Variants in CEMIP observed in about 807,000 individuals in gnomAD.
The protein encoded by CEMIP is cell migration inducing hyaluronidase 1.
A neutral mutation model predicts 156.9 loss-of-function variants in CEMIP; 105 were observed. The ratio of observed to expected loss-of-function variants is 0.67; its 90% confidence interval spans 0.57 to 0.79. CEMIP has a LOEUF of 0.79. Ranked by LOEUF, CEMIP falls within the 30% of genes least tolerant of loss-of-function variation. The probability of loss-of-function intolerance (pLI) is 0.00; values close to 1 mark genes in which losing one functional copy is unlikely to be tolerated. For synonymous variants in CEMIP, 676 were observed against 668.4 expected, an observed-to-expected ratio of 1.01 and a Z score of -0.17; for missense variants, 1,457 against 1,769.4, an observed-to-expected ratio of 0.82 and a Z score of 3.17.
Position 80,930,181 on chromosome 15 carries a change from AC to A in CEMIP, c.2612+1010del, listed in dbSNP as rs1264621142. On this transcript the variant is annotated intron_variant, in intron 21 of 29. Coordinates refer to ENST00000394685, the MANE Select transcript of CEMIP (RefSeq NM_001293298.2). ...AATACACATTGACCTAAAACTTCCA[AC>A]CCAAGTGGACATGGAAAAGACTTTG... Among the ~76,000 whole-genome samples, 3 of 152,320 alleles carry A rather than the reference AC, an allele frequency of 2.0e-5. No homozygotes were observed. In the South Asian group the frequency reaches 6.2e-4, roughly 32 times the overall value.
At chr15:80,814,598 G>A (rs1388145495) in intron 1 of CEMIP, among the ~76,000 whole-genome samples, 1 of 152,104 alleles carries the variant, frequency 6.6e-6, no homozygotes, top group East Asian at 1.9e-4. Context: ...AAACCTCAGG[G>A]CAGAACCTGT....
intron 1 of CEMIP, among the ~76,000 whole-genome samples, chr15:80,864,397 G>A (rs567662826): frequency 5.8e-4 from 88 of 152,256 alleles, no homozygotes; most frequent in African/African-American, 1.7e-3. Flanking sequence ...CAATTTATTC[G>A]TGAAAAAGGC....
intron 1 of CEMIP, among the ~76,000 whole-genome samples, chr15:80,797,586 G>A (rs536457077): frequency 5.3e-5 from 8 of 152,310 alleles, no homozygotes; most frequent in African/African-American, 1.9e-4. Context: ...TCTTGTCTTA[G>A]TCAATGAAAT....
chr15:80,944,884 A>G (rs1901481426), intron 28 of CEMIP, among the ~76,000 whole-genome samples: 1 of 152,210 alleles, frequency 6.6e-6, no homozygotes, highest in African/African-American at 2.4e-5. Context: ...CCCGAGCAGC[A>G]GCACCTCTCT....
chr15:80,802,148 C>A (rs1005342425), intron 1 of CEMIP, among the ~76,000 whole-genome samples: 1 of 152,148 alleles, frequency 6.6e-6, no homozygotes, highest in Admixed American at 6.5e-5. Context: ...TGGCCTGGTG[C>A]TTGCATTAAT....
chr15:80,881,523 A>C (rs1190900954), intron 6 of CEMIP, among the ~76,000 whole-genome samples: 1 of 151,680 alleles, frequency 6.6e-6, no homozygotes, highest in Non-Finnish European at 1.5e-5. Context: ...AAGAGTGTTC[A>C]AGACAGACAG....
rs1219995913 is a variant in CEMIP, at chr15:80,873,541, A to G, written c.-172A>G. ...CTGCTCTGTTTCTTAACTTAAGAGA[A>G]AAGCTTCATTCTGGAGGGGAAGGAG... On this transcript the variant is annotated 5_prime_UTR_variant, in exon 2 of 30. Coordinates refer to ENST00000394685, the MANE Select transcript of CEMIP (RefSeq NM_001293298.2). The G allele has an allele frequency of 1.1e-5, 4 of 353,482 alleles. No homozygotes were observed. The highest frequency in any genetic ancestry group is 9.1e-4 in the Middle Eastern group (1 of 1,096). 21.9% of individuals were successfully genotyped at this position (353,482 alleles called of 1,614,324 possible).
intron 14 of CEMIP, among the ~76,000 whole-genome samples, chr15:80,917,873 A>C (rs1900328682): frequency 6.6e-6 from 1 of 152,224 alleles, no homozygotes; most frequent in Admixed American, 6.5e-5. Context: ...AGATTTCAGC[A>C]AGATTAAAAG....
At chr15:80,883,181 T>C (rs1262412383) in intron 6 of CEMIP, among the ~76,000 whole-genome samples, 1 of 152,244 alleles carries the variant, frequency 6.6e-6, no homozygotes, top group African/African-American at 2.4e-5. Context: ...ACATACTCTT[T>C]AGGAATTTCT....
chr15:80,867,966 T>C (rs1432219445), intron 1 of CEMIP, among the ~76,000 whole-genome samples: 1 of 152,088 alleles, frequency 6.6e-6, no homozygotes. Flanking sequence ...GCATCACAAT[T>C]TGTCAGGGAA....
intron 1 of CEMIP, among the ~76,000 whole-genome samples, chr15:80,813,350 A>ATT (rs34253400): frequency 7.3e-4 from 94 of 129,434 alleles, no homozygotes; most frequent in Middle Eastern, 8.3e-3. Flanking sequence ...AGCAGTACGG[A>ATT]TTTTTTTTTT....
chr15:80,870,335 C>T (rs1298899204), intron 1 of CEMIP, among the ~76,000 whole-genome samples: 1 of 152,206 alleles, frequency 6.6e-6, no homozygotes, highest in Non-Finnish European at 1.5e-5. Flanking sequence ...ACAGCTTAAA[C>T]TGACCCTTTC....
intron 3 of CEMIP, among the ~76,000 whole-genome samples, chr15:80,874,842 T>A (rs960294787): frequency 1.3e-5 from 2 of 152,208 alleles, no homozygotes; most frequent in Admixed American, 6.5e-5. Flanking sequence ...CTTTTGTTAA[T>A]GCTATTTTTA....
At chr15:80,831,057 T>C (rs1897145598) in intron 1 of CEMIP, among the ~76,000 whole-genome samples, 1 of 152,198 alleles carries the variant, frequency 6.6e-6, no homozygotes, top group Non-Finnish European at 1.5e-5. Flanking sequence ...TGGGAGATTA[T>C]GTACTGTTAG....
At chr15:80,797,555 G>A (rs941066355) in intron 1 of CEMIP, among the ~76,000 whole-genome samples, 3 of 152,300 alleles carry the variant, frequency 2.0e-5, no homozygotes, top group East Asian at 1.9e-4. Flanking sequence ...CCACACTTTC[G>A]ATGTTAGTTG....
intron 17 of CEMIP, among the ~76,000 whole-genome samples, chr15:80,922,940 C>T (rs1016706469): frequency 2.6e-5 from 4 of 152,308 alleles, no homozygotes; most frequent in Non-Finnish European, 5.9e-5. Context: ...AATGCCTAGG[C>T]TGGTTTTCTG....
At chr15:80,898,301 G>A (rs916230420) in intron 12 of CEMIP, among the ~76,000 whole-genome samples, 1 of 152,176 alleles carries the variant, frequency 6.6e-6, no homozygotes, top group African/African-American at 2.4e-5. Flanking sequence ...TCTGTAAATG[G>A]AGATAATGAT....
At chr15:80,918,615 G>C (rs1486733469) in intron 14 of CEMIP, among the ~76,000 whole-genome samples, 1 of 152,202 alleles carries the variant, frequency 6.6e-6, no homozygotes, top group Non-Finnish European at 1.5e-5. Context: ...GGGTTGAATT[G>C]ATGTCATCGG....
chr15:80,921,019 G>T lies in CEMIP; in HGVS notation c.2004-13G>T, dbSNP rs2141922229. 1.2e-6 allele frequency: 2 copies of T among 1,613,756 alleles called. No homozygotes were observed. Among genetic ancestry groups the T allele is most frequent in the South Asian group, 2.2e-5 (2 of 91,046 alleles). ...CCTTTATCTGATCTCAGGTATCTCT[G>T]CCCTCCCTGCAGTGCTGTGTCCACC... is the stretch of plus-strand genomic sequence containing the variant. On this transcript the variant is annotated splice_polypyrimidine_tract_variant and intron_variant, in intron 15 of 29. Transcript: ENST00000394685.
Sources: gnomAD v4.1 joint callset for allele counts (sites outside exome capture counted in the v4.1 genomes callset) on GRCh38, gnomAD v4.1.1 for gene constraint, MANE v1.5 for transcripts, NCBI Gene and HGNC (gene_info 2026-07-23, HGNC 2026-07-21) for gene names.